C6: variants seen among roughly 807,000 people sequenced by gnomAD.
C6 encodes the protein complement component C6.
C6 carries 101 observed loss-of-function variants against 112.9 expected under a neutral mutation model. That is an observed-to-expected ratio of 0.89 (90% CI 0.76 to 1.06). C6 has a LOEUF of 1.06. C6 is among the 50% of genes least tolerant of loss of function. C6 has a pLI of 0.00. For synonymous variants in C6, 431 were observed against 384.1 expected (o/e 1.12, Z -1.43); for missense variants, 1,202 against 1,104.6 (o/e 1.09, Z -1.25).
Position 41,181,487 on chromosome 5 carries a change from G to A in C6, c.799C>T (p.Gln267Ter). ...DLTSLGHNEN[Q>*]QGSFSSQGGS... ...CCCTGACTTGAGAATGAGCCTTGTT[G>A]ATTTTCATTGTGTCCAAGAGAAGTT... Residue 267 changes from glutamine (Q) to a stop codon, truncating the protein, a stop_gained, in exon 7 of 18, where the codon CAA (glutamine) becomes TAA (stop). Coordinates refer to ENST00000337836, the MANE Select transcript of C6 (RefSeq NM_000065.5). LOFTEE classifies it high-confidence loss of function. 6.2e-7 allele frequency: 1 copy of A among 1,613,648 alleles called. No homozygotes were observed. The highest frequency in any genetic ancestry group is 8.5e-7 in the Non-Finnish European group (1 of 1,179,726).
intron 6 of C6, 131 bp from the exon 7 acceptor site, chr5:41,181,690 G>C: frequency 1.3e-6 from 1 of 783,250 alleles, no homozygotes; most frequent in South Asian, 1.6e-5. Context: ...TTTTGCTAGA[G>C]AACAAAGAAT....
At chr5:41,163,681 C>G (rs1204561784) in intron 9 of C6, among the ~76,000 whole-genome samples, 2 of 152,062 alleles carry the variant, frequency 1.3e-5, no homozygotes, top group African/African-American at 4.8e-5. Flanking sequence ...TTCATATATG[C>G]TATTTAAAAA....
In C6 at chr5:41,142,626, C is replaced by T. The variant is rs73750290; in HGVS notation, c.*199G>A. The T allele has an allele frequency of 7.2e-4, 438 of 604,586 alleles. 1 individual carries two copies. Among genetic ancestry groups the T allele is most frequent in the African/African-American group, 6.0e-3 (328 of 54,332 alleles). The allele number at this position is 604,586 out of a possible 1,614,324, so 37.5% of individuals were successfully genotyped here. A position where few individuals can be genotyped will look rare whatever the true frequency, so the allele number is the denominator to read the frequency against. ...TGGTACCTAGGGGTATGCTACAGGG[C>T]GTCATGAGCTGGAACTGAATAAGAC... On this transcript the variant is annotated 3_prime_UTR_variant, in exon 18 of 18. Coordinates refer to ENST00000337836, the MANE Select transcript of C6 (RefSeq NM_000065.5).
At chr5:41,234,888 G>C (rs996896223) in intron 1 of C6, among the ~76,000 whole-genome samples, 1 of 152,074 alleles carries the variant, frequency 6.6e-6, no homozygotes, top group Non-Finnish European at 1.5e-5. Context: ...GTTGCCTGTT[G>C]CTATAATAAT....
chr5:41,238,751 A>G (rs1740496370), intron 1 of C6, among the ~76,000 whole-genome samples: 1 of 152,204 alleles, frequency 6.6e-6, no homozygotes, highest in Non-Finnish European at 1.5e-5. Context: ...ATATACACAA[A>G]TAACCTGAAG....
intron 6 of C6, among the ~76,000 whole-genome samples, chr5:41,183,766 G>A (rs566648562): frequency 3.5e-4 from 54 of 152,312 alleles, no homozygotes; most frequent in Non-Finnish European, 7.3e-4. Flanking sequence ...TAAAGATAAT[G>A]TGGTACATAT....
At position 41,231,337 on chromosome 5, in the gene C6, C is replaced by A. The variant is rs574871945; in HGVS notation, c.-20-28087G>T. Among the ~76,000 whole-genome samples the A allele has an allele frequency of 2.3e-4, 35 of 152,048 alleles. No individual in the cohort carries two copies. In the South Asian group the frequency reaches 7.2e-3, roughly 31 times the overall value. On this transcript the variant is annotated intron_variant, in intron 1 of 17. Transcript: ENST00000263413. ...TTTTTTATGGTGACATGTTTCATTT[C>A]TTTTTAATGTACATACTATATGGCT...
chr5:41,198,751 G>A (rs1004189911), intron 4 of C6, among the ~76,000 whole-genome samples: 1 of 152,046 alleles, frequency 6.6e-6, no homozygotes, highest in Non-Finnish European at 1.5e-5. Context: ...ATTTTTCATA[G>A]ATTTATCATC....
chr5:41,157,026 A>C (rs796647166), intron 13 of C6, among the ~76,000 whole-genome samples: 115 of 152,318 alleles, frequency 7.5e-4, no homozygotes, highest in African/African-American at 2.7e-3. Context: ...TCATTGCTCT[A>C]GCCTGGAATT....
chr5:41,251,982 T>C (rs1290104934), intron 1 of C6, among the ~76,000 whole-genome samples: 1 of 152,244 alleles, frequency 6.6e-6, no homozygotes, highest in African/African-American at 2.4e-5. Context: ...TAAATCCATA[T>C]CCTAAGTAAA....
At chr5:41,226,662 G>A (rs1049306725) in intron 1 of C6, among the ~76,000 whole-genome samples, 6 of 151,982 alleles carry the variant, frequency 3.9e-5, no homozygotes, top group East Asian at 1.9e-4. Context: ...CTGCTTCTGC[G>A]GGTTCTACTT....
In C6 at chr5:41,203,062, A is replaced by G. The variant is rs201373804; in HGVS notation, c.143+26T>C. 167 of 1,613,110 alleles carry G rather than the reference A, an allele frequency of 1.0e-4. 1 individual carries two copies. The highest frequency in any genetic ancestry group is 6.9e-5 in the Non-Finnish European group (81 of 1,179,562). On this transcript the variant is annotated intron_variant, in intron 2 of 17. Transcript: ENST00000337836. ...ATCCTTGAGTCCTTCCAGGACACAA[A>G]GAAAAGCCACAAAGCTCACACCCAC...
At chr5:41,230,514 CTG>C (rs1561192936) in intron 1 of C6, among the ~76,000 whole-genome samples, 3 of 152,110 alleles carry the variant, frequency 2.0e-5, no homozygotes, top group Non-Finnish European at 2.9e-5. Context: ...GAATTCCAGC[CTG>C]GTAAATTCTA....
intron 8 of C6, among the ~76,000 whole-genome samples, chr5:41,174,323 C>G (rs7708625): frequency 0.076 from 11,507 of 152,132 alleles, 671 homozygotes; most frequent in African/African-American, 0.16. Flanking sequence ...TCTTAAACCT[C>G]AGTGTTCCTC....
chr5:41,232,936 A>T (rs984004941), intron 1 of C6, among the ~76,000 whole-genome samples: 1 of 152,038 alleles, frequency 6.6e-6, no homozygotes, highest in Admixed American at 6.6e-5. Context: ...TAAACCCAGT[A>T]TCTATTACAG....
intron 6 of C6, among the ~76,000 whole-genome samples, chr5:41,185,108 G>T (rs1749667647): frequency 6.6e-6 from 1 of 152,056 alleles, no homozygotes; most frequent in Non-Finnish European, 1.5e-5. Flanking sequence ...AAATGTTTAG[G>T]TTTTAGCTCT....
chr5:41,149,055 T>C (rs1746120725), intron 17 of C6, among the ~76,000 whole-genome samples, 186 bp downstream of exon 17: 1 of 152,232 alleles, frequency 6.6e-6, no homozygotes. Flanking sequence ...CCCACATTAC[T>C]ACAGTAGTTA....
chr5:41,156,695 A>G (rs1746946516), intron 13 of C6, among the ~76,000 whole-genome samples: 1 of 152,234 alleles, frequency 6.6e-6, no homozygotes, highest in African/African-American at 2.4e-5. Flanking sequence ...TTTTCTGGAT[A>G]CAAAACTACC....
chr5:41,172,546 A>C (rs1386124820), intron 8 of C6, 199 bp from the exon 9 acceptor site: 1 of 621,504 alleles, frequency 1.6e-6, no homozygotes, highest in African/African-American at 1.8e-5. Context: ...GATGATCCTG[A>C]ACAGGAGTCC....
Sources: gnomAD v4.1 joint callset for allele counts (sites outside exome capture counted in the v4.1 genomes callset) on GRCh38, gnomAD v4.1.1 for gene constraint, MANE v1.5 for transcripts, NCBI Gene and HGNC (gene_info 2026-07-23, HGNC 2026-07-21) for gene names.